DLGAP2: variants seen among roughly 807,000 people sequenced by gnomAD.
DLGAP2 encodes disks large-associated protein 2.
DLGAP2 carries 26 observed loss-of-function variants against 100.3 expected under a neutral mutation model. The ratio of observed to expected loss-of-function variants is 0.26; its 90% confidence interval spans 0.19 to 0.36. The LOEUF (loss-of-function observed/expected upper bound fraction) is 0.36, where lower values mean the gene tolerates loss of function less well. Ranked by LOEUF, DLGAP2 falls within the 10% of genes least tolerant of loss-of-function variation. The pLI, the probability that DLGAP2 is intolerant of heterozygous loss-of-function variation, is 1.00. For missense variants in DLGAP2, 1,858 were observed against 1,453.2 expected (o/e 1.28, Z -4.53); for synonymous variants, 886 against 630.1 (o/e 1.41, Z -6.08).
rs1799572139 is a variant in DLGAP2, at chr8:1,701,550, CGCGGCCG to C, written c.*151_*157del. On this transcript the variant is annotated 3_prime_UTR_variant, in exon 15 of 15. Transcript: ENST00000637795. ...TCCCCGCGCCCCGGACACAGCGGGA[CGCGGCCG>C]GCGGCCTCAGAGTCCACGGAGCTCG... 2.3e-6 allele frequency: 2 copies of C among 886,928 alleles called. No homozygotes were observed. Among genetic ancestry groups the C allele is most frequent in the East Asian group, 5.5e-5 (2 of 36,680 alleles). 54.9% of individuals were successfully genotyped at this position (886,928 alleles called of 1,614,324 possible). A position where few individuals can be genotyped will look rare whatever the true frequency, so the allele number is the denominator to read the frequency against.
chr8:1,160,586 T>C (rs570339046), intron 2 of DLGAP2, among the ~76,000 whole-genome samples: 4 of 152,216 alleles, frequency 2.6e-5, no homozygotes, highest in African/African-American at 9.6e-5. Context: ...GTTTGGGGAG[T>C]AGCAACTTAG....
intron 3 of DLGAP2, among the ~76,000 whole-genome samples, chr8:1,298,085 A>G (rs1282054349): frequency 8.4e-6 from 1 of 118,414 alleles, no homozygotes; most frequent in East Asian, 2.4e-4. Flanking sequence ...GCGTCAACAG[A>G]CACCACGTGA....
At chr8:967,925 C>T (rs1173855337) in intron 2 of DLGAP2, among the ~76,000 whole-genome samples, 1 of 129,296 alleles carries the variant, frequency 7.7e-6, no homozygotes, top group Non-Finnish European at 1.6e-5. Context: ...GTGTTTTCTT[C>T]ATGATGACTA....
chr8:786,702 T>A (rs1193984505), intron 1 of DLGAP2, among the ~76,000 whole-genome samples: 1 of 151,928 alleles, frequency 6.6e-6, no homozygotes, highest in African/African-American at 2.4e-5. Flanking sequence ...GTGGGGTGGC[T>A]GAGAAGGGAG....
intron 3 of DLGAP2, among the ~76,000 whole-genome samples, chr8:1,450,467 T>A (rs113428259): frequency 1.9e-5 from 2 of 104,882 alleles, no homozygotes; most frequent in East Asian, 2.8e-4. Context: ...TGGCTGAGGC[T>A]GAGCTGTGAG....
intron 1 of DLGAP2, among the ~76,000 whole-genome samples, chr8:846,129 T>C (rs1383261567): frequency 6.6e-6 from 1 of 152,250 alleles, no homozygotes; most frequent in African/African-American, 2.4e-5. Context: ...TGACCATTTC[T>C]TTGTGATGAG....
intron 4 of DLGAP2, among the ~76,000 whole-genome samples, chr8:1,509,550 G>A (rs1418917166): frequency 6.6e-6 from 1 of 152,066 alleles, no homozygotes; most frequent in Non-Finnish European, 1.5e-5. Context: ...GAGAAAGGAA[G>A]TCGCTTTTGT....
chr8:829,209 T>C (rs1796737134), intron 1 of DLGAP2, among the ~76,000 whole-genome samples: 1 of 152,224 alleles, frequency 6.6e-6, no homozygotes, highest in Non-Finnish European at 1.5e-5. Context: ...CAGTTTCTAA[T>C]GTTACAAAAT....
Position 1,409,219 on chromosome 8 carries a change from A to C in DLGAP2, c.107-92147A>C, listed in dbSNP as rs1037020475. Among the ~76,000 whole-genome samples the C allele has an allele frequency of 3.3e-5, 5 of 151,336 alleles. No individual in the cohort carries two copies. In the East Asian group the frequency reaches 9.8e-4, roughly 30 times the overall value. On this transcript the variant is annotated intron_variant, in intron 3 of 14. Coordinates refer to ENST00000637795, the MANE Select transcript of DLGAP2 (RefSeq NM_001346810.2). The stretch of plus-strand genomic sequence containing the variant: ...TGGACCACTGCCCAACTCCTTCCTC[A>C]CCATAGGAAGCCCATCTCCCCTTGG...
intron 2 of DLGAP2, among the ~76,000 whole-genome samples, chr8:1,184,791 G>C (rs1166919051): frequency 6.6e-6 from 1 of 152,144 alleles, no homozygotes; most frequent in Admixed American, 6.5e-5. Flanking sequence ...GGTGAATCTG[G>C]CCCTCTCCAG....
chr8:888,392 C>T (rs887127366), intron 1 of DLGAP2, among the ~76,000 whole-genome samples: 2 of 152,124 alleles, frequency 1.3e-5, no homozygotes, highest in African/African-American at 4.8e-5. Context: ...TCAATTTGTC[C>T]ACCTGATCCT....
chr8:1,333,639 A>G (rs1367872081), intron 3 of DLGAP2, among the ~76,000 whole-genome samples: 3 of 152,116 alleles, frequency 2.0e-5, no homozygotes, highest in Admixed American at 2.0e-4. Flanking sequence ...TGAGAAAGGC[A>G]CTCGGAGGTA....
At position 1,162,146 on chromosome 8, in the gene DLGAP2, G is replaced by A. The variant is rs532458324; in HGVS notation, c.74-96705G>A. On this transcript the variant is annotated intron_variant, in intron 2 of 14. Transcript: ENST00000637795. ...CCACAGGAGGCTACGGAGGCAGGAA[G>A]CCCTCCCGGCAGCAGGGGCGGCCAG... is the stretch of plus-strand genomic sequence containing the variant. Among the ~76,000 whole-genome samples the A allele has an allele frequency of 5.9e-5, 9 of 152,386 alleles. No individual in the cohort carries two copies. The East Asian group carries it at 1.5e-3, about 26-fold the overall frequency.
At chr8:795,255 T>G (rs1795999570) in intron 1 of DLGAP2, among the ~76,000 whole-genome samples, 1 of 152,186 alleles carries the variant, frequency 6.6e-6, no homozygotes, top group South Asian at 2.1e-4. Flanking sequence ...TAACCTTGTT[T>G]TATTTGTGTT....
At chr8:1,291,501 C>T (rs1263053148) in intron 3 of DLGAP2, among the ~76,000 whole-genome samples, 1 of 152,100 alleles carries the variant, frequency 6.6e-6, no homozygotes, top group African/African-American at 2.4e-5. Flanking sequence ...CCATATTTCC[C>T]GTGTGGAGGA....
In DLGAP2 at chr8:1,130,070, G is replaced by A. The variant is rs530640060; in HGVS notation, c.74-128781G>A. 6.8e-3 allele frequency among the ~76,000 whole-genome samples: 854 copies of A among 126,152 alleles called. 8 individuals carry two copies. Among genetic ancestry groups the A allele is most frequent in the African/African-American group, 0.025 (817 of 33,318 alleles). 82.8% of individuals were successfully genotyped at this position (126,152 alleles called of 152,430 possible). On this transcript the variant is annotated intron_variant, in intron 2 of 14. Transcript: ENST00000637795. Reference sequence around the variant, plus strand: ...TAAGGGATCATGTCGGGCACTTCACGTGGGTTAAGGGATCGTGTCAGACAC... The same window carrying A: ...TAAGGGATCATGTCGGGCACTTCACATGGGTTAAGGGATCGTGTCAGACAC...
rs376611722 is a variant in DLGAP2, at chr8:1,061,881, G to T, written c.73+153915G>T. Among the ~76,000 whole-genome samples the T allele has an allele frequency of 2.7e-3, 417 of 152,034 alleles. 1 individual carries two copies. Among genetic ancestry groups the T allele is most frequent in the African/African-American group, 9.9e-3 (411 of 41,458 alleles). ...TGCTCTGTGTGGACGGGGCCCCTCC[G>T]AGCACCCTGCCCACTCACTCTTATA... On this transcript the variant is annotated intron_variant, in intron 2 of 14. Coordinates refer to ENST00000637795, the MANE Select transcript of DLGAP2 (RefSeq NM_001346810.2).
intron 2 of DLGAP2, among the ~76,000 whole-genome samples, chr8:1,078,982 G>C (rs149244785): frequency 6.2e-4 from 95 of 152,320 alleles, no homozygotes; most frequent in East Asian, 1.7e-3. Context: ...ACTGCCAAAT[G>C]GTTCTCCAAT....
chr8:1,062,107 G>A (rs868082110), intron 2 of DLGAP2, among the ~76,000 whole-genome samples: 1 of 151,608 alleles, frequency 6.6e-6, no homozygotes, highest in African/African-American at 2.4e-5. Flanking sequence ...GAGGAGAGCC[G>A]TGCATGGTAA....
Sources: gnomAD v4.1 joint callset for allele counts (sites outside exome capture counted in the v4.1 genomes callset) on GRCh38, gnomAD v4.1.1 for gene constraint, MANE v1.5 for transcripts, NCBI Gene and HGNC (gene_info 2026-07-23, HGNC 2026-07-21) for gene names.